Variants in KCNJ3 observed in about 807,000 individuals in gnomAD.
KCNJ3 encodes potassium inwardly rectifying channel subfamily J member 3.
In KCNJ3, 4 loss-of-function variants were observed where a neutral mutation model predicts 39.2. The ratio of observed to expected loss-of-function variants is 0.10; its 90% CI spans 0.05 to 0.23. KCNJ3 has a LOEUF of 0.23. KCNJ3 is among the 10% of genes least tolerant of loss of function. The pLI is 1.00. For missense variants in KCNJ3, 276 were observed against 634.9 expected, an observed-to-expected ratio of 0.43 and a Z score of 6.08; for synonymous variants, 230 against 237.4, an observed-to-expected ratio of 0.97 and a Z score of 0.29.
intron 2 of KCNJ3, among the ~76,000 whole-genome samples, chr2:154,806,384 G>A (rs1377842073): frequency 2.6e-5 from 4 of 152,152 alleles, no homozygotes; most frequent in Non-Finnish European, 4.4e-5. Context: ...GAGGAATCCA[G>A]GACTAAGGGC....
In KCNJ3 at chr2:154,727,180, A is replaced by T. The variant is rs771500328; in HGVS notation, c.919+17361A>T. 8.7e-4 allele frequency among the ~76,000 whole-genome samples: 133 copies of T among 152,186 alleles called. 1 individual carries two copies. Among genetic ancestry groups the T allele is most frequent in the Admixed American group, 2.6e-4 (4 of 15,278 alleles). ...ATGGAAATAAAAAACAAAAATTTAA[A>T]AAACTTCTATTTTACTAGTTCTTAA... On this transcript the variant is annotated intron_variant, in intron 2 of 2. Transcript: ENST00000295101.
At chr2:154,787,269 A>G (rs1224801423) in intron 2 of KCNJ3, among the ~76,000 whole-genome samples, 1 of 152,144 alleles carries the variant, frequency 6.6e-6, no homozygotes. Flanking sequence ...GAGCTCTGCC[A>G]TTCACTAATG....
At position 154,714,758 on chromosome 2, in the gene KCNJ3, T is replaced by C. The variant is rs146535929; in HGVS notation, c.919+4939T>C. Among the ~76,000 whole-genome samples the C allele has an allele frequency of 2.4e-4, 37 of 152,332 alleles. No individual in the cohort carries two copies. In the East Asian group the frequency reaches 7.1e-3, roughly 29 times the overall value. On this transcript the variant is annotated intron_variant, in intron 2 of 2. Transcript: ENST00000295101. ...TTAATTAATTTGTTCATCCAGCAAA[T>C]GCTTATTGAGCAGGTATTGTAGGCT...
At chr2:154,853,528 C>A (rs2105142034) in intron 2 of KCNJ3, among the ~76,000 whole-genome samples, 1 of 152,006 alleles carries the variant, frequency 6.6e-6, no homozygotes, top group South Asian at 2.1e-4. Context: ...TTAAATTACA[C>A]TTAATTATTG....
intron 2 of KCNJ3, among the ~76,000 whole-genome samples, chr2:154,820,425 A>G (rs1203149850): frequency 6.6e-6 from 1 of 152,184 alleles, no homozygotes; most frequent in Non-Finnish European, 1.5e-5. Flanking sequence ...AAATATTTCA[A>G]AGGTGATGCT....
At chr2:154,749,169 A>G (rs922891202) in intron 2 of KCNJ3, among the ~76,000 whole-genome samples, 6 of 152,150 alleles carry the variant, frequency 3.9e-5, no homozygotes, top group African/African-American at 1.4e-4. Context: ...GTTATAAATT[A>G]TCATTTAGAA....
intron 2 of KCNJ3, among the ~76,000 whole-genome samples, chr2:154,778,491 A>G (rs984313673): frequency 4.6e-5 from 7 of 152,222 alleles, no homozygotes; most frequent in African/African-American, 1.7e-4. Flanking sequence ...GTGTTCTACA[A>G]TATCAGTCAG....
chr2:154,821,635 A>ATTTGTTTTT (rs1687182015), intron 2 of KCNJ3, among the ~76,000 whole-genome samples: 1 of 88,072 alleles, frequency 1.1e-5, no homozygotes, highest in Non-Finnish European at 2.1e-5. Context: ...AGAATATGTG[A>ATTTGTTTTT]TTTTTTTTTT....
rs114640676 is a variant in KCNJ3, at chr2:154,798,611, T to C, written c.920-56116T>C. ...ATATCAGTGACAAAAAAATAGAGTC[T>C]GTGAATATTGAAACCTGAGCATTAA... On this transcript the variant is annotated intron_variant, in intron 2 of 2. Transcript: ENST00000295101. Among the ~76,000 whole-genome samples, 1,085 of 152,290 alleles carry C rather than the reference T, an allele frequency of 7.1e-3. 10 individuals are homozygous for C. Among genetic ancestry groups the C allele is most frequent in the African/African-American group, 0.024 (1,018 of 41,570 alleles).
In KCNJ3 at chr2:154,814,569, G is replaced by A. The variant is rs186298117; in HGVS notation, c.920-40158G>A. ...GGAGAATCATTTGAACCTGGGAGGC[G>A]GAGTTTGCAGTGAGCCAAGATCGTG... On this transcript the variant is annotated intron_variant, in intron 2 of 2. Coordinates refer to ENST00000295101, the MANE Select transcript of KCNJ3 (RefSeq NM_002239.4). Among the ~76,000 whole-genome samples the A allele has an allele frequency of 2.3e-3, 353 of 152,116 alleles. 1 individual carries two copies. In the Middle Eastern group the frequency reaches 0.024, roughly 10 times the overall value.
chr2:154,769,099 GT>G (rs1329733780), intron 2 of KCNJ3, among the ~76,000 whole-genome samples: 9 of 152,110 alleles, frequency 5.9e-5, no homozygotes, highest in Admixed American at 2.0e-4. Context: ...GAGACAATGG[GT>G]TTTTTTAGAT....
chr2:154,821,757 T>A, intron 2 of KCNJ3, among the ~76,000 whole-genome samples: 1 of 151,304 alleles, frequency 6.6e-6, no homozygotes, highest in Non-Finnish European at 1.5e-5. Context: ...TTTCCTTTGT[T>A]AGCCTCCTGA....
At chr2:154,758,303 A>C (rs1685977900) in intron 2 of KCNJ3, among the ~76,000 whole-genome samples, 1 of 152,148 alleles carries the variant, frequency 6.6e-6, no homozygotes, top group Non-Finnish European at 1.5e-5. Flanking sequence ...CAATTGAATA[A>C]AAATTAAAGA....
chr2:154,727,147 A>C (rs1351895154), intron 2 of KCNJ3, among the ~76,000 whole-genome samples: 1 of 152,184 alleles, frequency 6.6e-6, no homozygotes, highest in African/African-American at 2.4e-5. Flanking sequence ...ACCACTGTTC[A>C]AAAACGTATG....
chr2:154,821,158 A>G (rs1416910168), intron 2 of KCNJ3, among the ~76,000 whole-genome samples: 1 of 152,170 alleles, frequency 6.6e-6, no homozygotes, highest in Non-Finnish European at 1.5e-5. Flanking sequence ...TTCATTAGAC[A>G]TTGACAGTTT....
intron 2 of KCNJ3, among the ~76,000 whole-genome samples, chr2:154,790,294 C>T (rs202133907): frequency 5.0e-4 from 76 of 152,042 alleles, no homozygotes; most frequent in South Asian, 1.0e-3. Context: ...TTTAGTAATC[C>T]GACGCTAGAA....
At chr2:154,839,715 G>A (rs1413450277) in intron 2 of KCNJ3, among the ~76,000 whole-genome samples, 1 of 151,980 alleles carries the variant, frequency 6.6e-6, no homozygotes, top group Non-Finnish European at 1.5e-5. Context: ...TATGTTTGTT[G>A]GCCATATAAA....
chr2:154,733,503 G>A (rs1039550278), intron 2 of KCNJ3, among the ~76,000 whole-genome samples: 3 of 152,072 alleles, frequency 2.0e-5, no homozygotes, highest in African/African-American at 7.2e-5. Flanking sequence ...GGCCCTCTTT[G>A]GATGAAGGAG....
At chr2:154,843,206 G>T (rs1687606641) in intron 2 of KCNJ3, among the ~76,000 whole-genome samples, 2 of 152,106 alleles carry the variant, frequency 1.3e-5, no homozygotes, top group South Asian at 4.1e-4. Context: ...AGCTTAGTTT[G>T]GCTGGATCTG....
Sources: gnomAD v4.1 joint callset for allele counts (sites outside exome capture counted in the v4.1 genomes callset) on GRCh38, gnomAD v4.1.1 for gene constraint, MANE v1.5 for transcripts, NCBI Gene and HGNC (gene_info 2026-07-23, HGNC 2026-07-21) for gene names.